KIF27: variants seen among roughly 807,000 people sequenced by gnomAD.
KIF27 encodes kinesin-like protein KIF27.
KIF27 carries 84 observed loss-of-function variants against 141.8 expected under a neutral mutation model. The observed-to-expected ratio is 0.59, with a 90% CI of 0.50 to 0.71. KIF27 has a LOEUF of 0.71. Ranked by LOEUF, KIF27 falls within the 30% of genes least tolerant of loss-of-function variation. KIF27 has a pLI of 0.00. For missense variants in KIF27, 1,306 were observed against 1,628.4 expected, an observed-to-expected ratio of 0.80 and a Z score of 3.41; for synonymous variants, 471 against 569.5, an observed-to-expected ratio of 0.83 and a Z score of 2.46.
intron 17 of KIF27, among the ~76,000 whole-genome samples, chr9:83,841,139 C>T (rs1374836605): frequency 6.6e-6 from 1 of 151,836 alleles, no homozygotes; most frequent in Non-Finnish European, 1.5e-5. Flanking sequence ...GTCGTGATCT[C>T]AGCTCACTGC....
intron 13 of KIF27, chr9:83,863,670 T>C (rs1194149044): frequency 1.3e-5 from 2 of 152,228 alleles, no homozygotes; most frequent in Non-Finnish European, 2.9e-5. Context: ...GGCTTTGTTA[T>C]CAGGATGATG....
rs778677386 is a variant in KIF27 at position 83,850,282 on chromosome 9, C to G, written c.3373G>C (p.Glu1125Gln). 6.2e-7 allele frequency: 1 copy of G among 1,613,112 alleles called. No homozygotes were observed. Among genetic ancestry groups the G allele is most frequent in the Non-Finnish European group, 8.5e-7 (1 of 1,179,098 alleles). The change falls in exon 16 of 18, where the codon GAA becomes CAA. Residue 1125 changes from glutamate (E) to glutamine (Q), a missense_variant. Coordinates refer to ENST00000297814, the MANE Select transcript of KIF27 (RefSeq NM_017576.4). ...TATAACTGTTGTTTCCGTTCAGCTT[C>G]TCGCAAATTCACCACCTAACAAATA... The part of the protein sequence containing the change: ...RYFNKVVNLR[E>Q]AERKQQLYNE...
intron 14 of KIF27, among the ~76,000 whole-genome samples, chr9:83,857,270 A>T (rs1005088566): frequency 1.6e-4 from 25 of 152,212 alleles, no homozygotes; most frequent in African/African-American, 5.6e-4. Context: ...AAACCATTCC[A>T]ACTAGATTTT....
At chr9:83,897,781 A>G (rs1462214544) in intron 5 of KIF27, among the ~76,000 whole-genome samples, 1 of 152,198 alleles carries the variant, frequency 6.6e-6, no homozygotes, top group African/African-American at 2.4e-5. Context: ...ATAGAAAAAC[A>G]AACAAGAGAC....
intron 17 of KIF27, among the ~76,000 whole-genome samples, chr9:83,840,227 T>A (rs1264448847): frequency 4.6e-5 from 7 of 152,230 alleles, no homozygotes; most frequent in Admixed American, 3.3e-4. Context: ...GGTAGGATTA[T>A]AACTGATTTG....
intron 2 of KIF27, among the ~76,000 whole-genome samples, chr9:83,912,226 T>C (rs1373929934): frequency 1.3e-5 from 2 of 152,078 alleles, no homozygotes; most frequent in East Asian, 3.9e-4. Context: ...CAACAAAGAG[T>C]TGACTTACAA....
intron 17 of KIF27, among the ~76,000 whole-genome samples, chr9:83,839,442 T>C (rs1946307880): frequency 6.6e-6 from 1 of 152,216 alleles, no homozygotes; most frequent in African/African-American, 2.4e-5. Flanking sequence ...TTTATAGTGA[T>C]TTAAATTGAT....
At position 83,837,189 on chromosome 9, in the gene KIF27, G is replaced by A. The variant is rs1319020945; in HGVS notation, c.4018C>T (p.Gln1340Ter). The A allele has an allele frequency of 1.4e-5, 22 of 1,614,168 alleles. No individual in the cohort carries two copies. Among genetic ancestry groups the A allele is most frequent in the Non-Finnish European group, 1.9e-5 (22 of 1,180,024 alleles). Reference protein sequence around the residue: ...FTKSHSRLSSQIQVVGNVGRL... With the variant: ...FTKSHSRLSS ...CCCACATTTCCCACAACCTGAATTTGGGATGACAGTCGACTGTGAGATTTT... is the reference window on the plus strand; with the variant it reads ...CCCACATTTCCCACAACCTGAATTTAGGATGACAGTCGACTGTGAGATTTT... Residue 1340 changes from glutamine to a stop codon, truncating the protein, a stop_gained, in exon 18 of 18, where the codon CAA (glutamine) becomes TAA (stop). Transcript: ENST00000297814. LOFTEE classifies it high-confidence loss of function.
intron 14 of KIF27, 94 bp from the exon 15 acceptor site, chr9:83,853,929 G>C: frequency 2.2e-6 from 2 of 891,788 alleles, no homozygotes; most frequent in South Asian, 3.1e-5. Flanking sequence ...GAGTCTAATG[G>C]ATATTACCAC....
intron 11 of KIF27, among the ~76,000 whole-genome samples, chr9:83,873,420 G>A (rs1426537636): frequency 6.6e-6 from 1 of 152,170 alleles, no homozygotes; most frequent in Non-Finnish European, 1.5e-5. Context: ...TAAAGGAAGT[G>A]TTTAGATTTT....
intron 16 of KIF27, 60 bp downstream of exon 16, chr9:83,850,039 C>T: frequency 7.1e-7 from 1 of 1,401,060 alleles, no homozygotes; most frequent in Middle Eastern, 1.8e-4. Flanking sequence ...TCTGTCCTAT[C>T]TTCCTTCAGT....
chr9:83,845,348 C>T (rs1313044636), intron 16 of KIF27, among the ~76,000 whole-genome samples: 2 of 152,108 alleles, frequency 1.3e-5, no homozygotes, highest in South Asian at 4.1e-4. Flanking sequence ...TAAAGTGGGT[C>T]GTGCACAGCA....
In KIF27 at chr9:83,903,502, C is replaced by T. The variant is rs751221009; in HGVS notation, c.1016G>A (p.Arg339Gln). The T allele has an allele frequency of 7.4e-6, 12 of 1,613,972 alleles. No homozygotes were observed. The highest frequency in any genetic ancestry group is 6.7e-5 in the African/African-American group (5 of 74,890). ...TACAGTGGGTTTGTTTCTAATGTTC[C>T]GTGCTCTGTTGGCATATTTGAGAGA... ...LNSLKYANRA[R>Q]NIRNKPTVNF... The change falls in exon 4 of 18, where the codon CGG (arginine) becomes CAG (glutamine). Residue 339 changes from arginine (R) to glutamine (Q), a missense_variant. Transcript: ENST00000297814.
intron 14 of KIF27, among the ~76,000 whole-genome samples, chr9:83,857,795 T>C (rs1277810332): frequency 6.6e-6 from 1 of 152,152 alleles, no homozygotes; most frequent in Non-Finnish European, 1.5e-5. Context: ...TTGATGAATC[T>C]TCCCCCAAAT....
At chr9:83,874,933 C>CAAAAA (rs34762926) in intron 11 of KIF27, among the ~76,000 whole-genome samples, 1 of 91,394 alleles carries the variant, frequency 1.1e-5, no homozygotes. Flanking sequence ...GACCTTGTCT[C>CAAAAA]AAAAAAAAAA....
intron 2 of KIF27, among the ~76,000 whole-genome samples, chr9:83,914,478 T>C (rs397835013): frequency 6.6e-6 from 1 of 152,140 alleles, no homozygotes; most frequent in Non-Finnish European, 1.5e-5. Flanking sequence ...GTTTCTTTTT[T>C]AAAATTTTTT....
chr9:83,912,771 C>T (rs1197352648), intron 2 of KIF27, among the ~76,000 whole-genome samples: 1 of 152,018 alleles, frequency 6.6e-6, no homozygotes, highest in Admixed American at 6.6e-5. Flanking sequence ...TTAAAGAGTA[C>T]ACAAAAGTTT....
At position 83,865,033 on chromosome 9, in the gene KIF27, T is replaced by TG. The variant is rs1182965211; in HGVS notation, c.2934+2650_2934+2651insC. ...TTTTGTTTTCCATTTGCTTGGTATA[T>TG]CTTCCTCCATCCCTTTATTTTGAGC... On this transcript the variant is annotated intron_variant, in intron 13 of 17. Transcript: ENST00000297814. 1.2e-3 allele frequency among the ~76,000 whole-genome samples: 189 copies of TG among 152,306 alleles called. 1 individual carries two copies. The highest frequency in any genetic ancestry group is 4.4e-3 in the African/African-American group (184 of 41,576).
rs1564284041 is a variant in KIF27 at position 83,848,123 on chromosome 9, CTGATATCTCATATA to C, written c.3556+1962_3556+1975del. On this transcript the variant is annotated intron_variant, in intron 16 of 17. Transcript: ENST00000297814. The stretch of plus-strand genomic sequence containing the variant: ...ATATGATATCTCATATCTGATATAT[CTGATATCTCATATA>C]TGATATATCTGATATATCATATATG... 4.3e-3 allele frequency among the ~76,000 whole-genome samples: 155 copies of C among 36,364 alleles called. 60 individuals carry two copies. Among genetic ancestry groups the C allele is most frequent in the African/African-American group, 0.032 (146 of 4,610 alleles). 23.9% of individuals were successfully genotyped at this position (36,364 alleles called of 152,430 possible).
Sources: gnomAD v4.1 joint callset for allele counts (sites outside exome capture counted in the v4.1 genomes callset) on GRCh38, gnomAD v4.1.1 for gene constraint, MANE v1.5 for transcripts, NCBI Gene and HGNC (gene_info 2026-07-23, HGNC 2026-07-21) for gene names.